The following ARFGEF2 variants were observed in gnomAD, a reference collection of about 807,000 sequenced individuals.
The protein encoded by ARFGEF2 is brefeldin A-inhibited guanine nucleotide-exchange protein 2.
In ARFGEF2, 74 loss-of-function variants were observed where a neutral mutation model predicts 219.9. That is an observed-to-expected ratio of 0.34 (90% CI 0.28 to 0.41). ARFGEF2 has a LOEUF of 0.41. ARFGEF2 is among the 10% of genes least tolerant of loss of function. ARFGEF2 has a pLI of 1.00. For missense variants in ARFGEF2, 1,743 were observed against 2,218.3 expected (o/e 0.79, Z 4.30); for synonymous variants, 733 against 799.2 (o/e 0.92, Z 1.40).
rs763202396 is a variant in ARFGEF2, at chr20:48,994,471, G to A, written c.2994G>A (p.Gln998=). The change falls in exon 22 of 39, where the codon CAG becomes CAA. Residue 998 remains glutamine, a synonymous_variant. Transcript: ENST00000371917. The part of the protein sequence containing the change: ...SWHEILKCIS[Q]LELAQLIGTG... ...CTTAGATCTTGAAATGCATCAGCCA[G>A]CTGGAGCTCGCTCAGCTGATAGGAA... The A allele has an allele frequency of 6.2e-7, 1 of 1,614,062 alleles. No individual in the cohort carries two copies. The highest frequency in any genetic ancestry group is 8.5e-7 in the Non-Finnish European group (1 of 1,180,020).
chr20:49,029,358 TA>T (rs902838760), intron 37 of ARFGEF2, among the ~76,000 whole-genome samples: 71 of 152,316 alleles, frequency 4.7e-4, no homozygotes, highest in African/African-American at 1.7e-3. Flanking sequence ...TTCTGGAAAG[TA>T]GGTGAGACTA....
At chr20:48,999,336 T>A in intron 25 of ARFGEF2, 2 of 386,146 alleles carry the variant, frequency 5.2e-6, no homozygotes, top group Non-Finnish European at 1.0e-5. Context: ...AGACTGAACT[T>A]CTTCCTCGTT....
At chr20:49,028,713 A>G (rs2091617290) in intron 37 of ARFGEF2, 45 bp downstream of exon 37, 1 of 1,585,558 alleles carries the variant, frequency 6.3e-7, no homozygotes, top group Non-Finnish European at 8.6e-7. Flanking sequence ...GCTATATACA[A>G]AATGCATCAC....
chr20:48,955,438 G>T (rs2091099831), intron 6 of ARFGEF2, among the ~76,000 whole-genome samples: 1 of 152,132 alleles, frequency 6.6e-6, no homozygotes, highest in Admixed American at 6.5e-5. Flanking sequence ...CTGTTCACTT[G>T]TTCCTGCACT....
chr20:48,990,903 G>A (rs1372000155), intron 20 of ARFGEF2, 137 bp from the exon 21 acceptor site: 1 of 938,868 alleles, frequency 1.1e-6, no homozygotes, highest in East Asian at 2.6e-5. Flanking sequence ...TGGAATAACT[G>A]TTGTGCTAAT....
chr20:48,976,112 C>G lies in ARFGEF2; in HGVS notation c.1871C>G (p.Ser624Trp). ...SVTSMESTVS[S>W]GTQTTVQDDP... ...ACGTCCATGGAGTCCACAGTGTCCTCGGGGACCCAGACAACTGTTCAGGAT... is the reference window on the plus strand; with the variant it reads ...ACGTCCATGGAGTCCACAGTGTCCTGGGGGACCCAGACAACTGTTCAGGAT... Residue 624 changes from serine to tryptophan, a missense_variant, in exon 14 of 39, where the codon TCG becomes TGG. This residue lies in a region of ARFGEF2 where 666 missense variants were observed against 955.4 expected (regional missense o/e 0.70). Transcript: ENST00000371917. 1.2e-6 allele frequency: 2 copies of G among 1,613,712 alleles called. No individual in the cohort carries two copies. The highest frequency in any genetic ancestry group is 1.7e-6 in the Non-Finnish European group (2 of 1,180,016).
chr20:48,933,021 T>G (rs1568688253), intron 1 of ARFGEF2, among the ~76,000 whole-genome samples: 1 of 152,158 alleles, frequency 6.6e-6, no homozygotes, highest in East Asian at 1.9e-4. Flanking sequence ...GGACTTGCCT[T>G]GGGAGTGGAA....
intron 14 of ARFGEF2, among the ~76,000 whole-genome samples, chr20:48,981,205 GT>G (rs1205510170): frequency 6.6e-6 from 1 of 152,162 alleles, no homozygotes; most frequent in Non-Finnish European, 1.5e-5. Flanking sequence ...GCATTTGCTT[GT>G]CTGTAAAAGA....
chr20:48,971,221 C>T lies in ARFGEF2; in HGVS notation c.1292C>T (p.Ala431Val), dbSNP rs375799646. The T allele has an allele frequency of 3.3e-5, 54 of 1,614,048 alleles. No homozygotes were observed. The highest frequency in any genetic ancestry group is 4.5e-5 in the Non-Finnish European group (53 of 1,180,034). The change falls in exon 10 of 39, where the codon GCA becomes GTA. Residue 431 changes from alanine to valine, a missense_variant. This residue lies in a region of ARFGEF2 where 666 missense variants were observed against 955.4 expected (regional missense o/e 0.70). Coordinates refer to ENST00000371917, the MANE Select transcript of ARFGEF2 (RefSeq NM_006420.3). Reference protein sequence around the residue: ...VFRTHEMFINAIKQYLCVALS... With the variant: ...VFRTHEMFINVIKQYLCVALS... ...AGGACTCACGAGATGTTCATCAATG[C>T]AATCAAGCAATATCTCTGTGTGGCC...
Position 49,023,064 on chromosome 20 carries a change from T to G in ARFGEF2, c.4638T>G (p.Phe1546Leu), listed in dbSNP as rs1188051326. ...CATCTAACATAGATCAGAAACTGTT[T>G]GCCAGCCTCCTCATCAAGTGTGTGG... Reference protein sequence around the residue: ...KGRPYANQKLFASLLIKCVVQ... With the variant: ...KGRPYANQKLLASLLIKCVVQ... Residue 1546 changes from phenylalanine (F) to leucine (L), a missense_variant, in exon 35 of 39, where the codon TTT becomes TTG. Coordinates refer to ENST00000371917, the MANE Select transcript of ARFGEF2 (RefSeq NM_006420.3). The G allele has an allele frequency of 1.2e-6, 2 of 1,614,236 alleles. No individual in the cohort carries two copies. Among genetic ancestry groups the G allele is most frequent in the Non-Finnish European group, 1.7e-6 (2 of 1,180,036 alleles).
Position 49,033,399 on chromosome 20 carries a change from C to T in ARFGEF2, c.*200C>T. ...GTATTTCATTAAACTGTTGCATACCCAGTTAGCACAGTAGGTGGGGAGTCT... is the reference window on the plus strand; with the variant it reads ...GTATTTCATTAAACTGTTGCATACCTAGTTAGCACAGTAGGTGGGGAGTCT... On this transcript the variant is annotated 3_prime_UTR_variant, in exon 39 of 39. Coordinates refer to ENST00000371917, the MANE Select transcript of ARFGEF2 (RefSeq NM_006420.3). 1.7e-6 allele frequency: 1 copy of T among 587,372 alleles called. No homozygotes were observed. Among genetic ancestry groups the T allele is most frequent in the Non-Finnish European group, 3.0e-6 (1 of 331,344 alleles). The allele number at this position is 587,372 out of a possible 1,614,324, so 36.4% of individuals were successfully genotyped here.
intron 22 of ARFGEF2, 90 bp from the exon 23 acceptor site, chr20:48,995,693 C>T: frequency 1.8e-6 from 2 of 1,084,086 alleles, no homozygotes; most frequent in South Asian, 1.3e-5. Context: ...ATTTATGTCC[C>T]CTGTCCCTGC....
At chr20:49,026,073 G>A (rs530186273) in intron 36 of ARFGEF2, among the ~76,000 whole-genome samples, 112 of 152,050 alleles carry the variant, frequency 7.4e-4, no homozygotes, top group Non-Finnish European at 1.4e-3. Context: ...GGTGGCTCAC[G>A]CCTGTAATCC....
chr20:49,029,424 T>C (rs752550281), intron 37 of ARFGEF2, among the ~76,000 whole-genome samples: 12 of 152,204 alleles, frequency 7.9e-5, no homozygotes, highest in South Asian at 2.1e-4. Flanking sequence ...TCCACTGTTA[T>C]GGAATCTGCT....
chr20:48,956,616 C>T (rs2123368105), intron 6 of ARFGEF2, among the ~76,000 whole-genome samples: 1 of 152,264 alleles, frequency 6.6e-6, no homozygotes, highest in East Asian at 1.9e-4. Flanking sequence ...CCATCTTGCC[C>T]AGGCTGTAGT....
intron 23 of ARFGEF2, among the ~76,000 whole-genome samples, chr20:48,996,363 G>A (rs1202152869): frequency 6.6e-6 from 1 of 151,630 alleles, no homozygotes; most frequent in Admixed American, 6.6e-5. Context: ...GCTGAGGCAG[G>A]AGAATGGCGT....
chr20:48,998,649 T>C, intron 25 of ARFGEF2, 144 bp downstream of exon 25: 1 of 774,654 alleles, frequency 1.3e-6, no homozygotes, highest in Non-Finnish European at 2.1e-6. Flanking sequence ...GACAGCTTGA[T>C]AGGAGTAATA....
At chr20:48,969,850 GA>G (rs1344409366) in intron 9 of ARFGEF2, among the ~76,000 whole-genome samples, 1 of 152,188 alleles carries the variant, frequency 6.6e-6, no homozygotes, top group African/African-American at 2.4e-5. Flanking sequence ...AGCCTCATCT[GA>G]AAAATGGGAA....
In ARFGEF2 at chr20:49,034,655, T is replaced by C. The variant is rs2091655985; in HGVS notation, c.*1456T>C. The C allele has an allele frequency of 6.6e-6, 1 of 152,250 alleles. No individual in the cohort carries two copies. The highest frequency in any genetic ancestry group is 2.1e-4 in the South Asian group (1 of 4,830). 9.4% of individuals were successfully genotyped at this position (152,250 alleles called of 1,614,324 possible). ...AGTCCTGTAAATTGGGTTGTATTGA[T>C]GTCAACTCTGGTGCCTTAGAAGTTA... On this transcript the variant is annotated 3_prime_UTR_variant, in exon 39 of 39. Coordinates refer to ENST00000371917, the MANE Select transcript of ARFGEF2 (RefSeq NM_006420.3).
Sources: gnomAD v4.1 joint callset for allele counts (sites outside exome capture counted in the v4.1 genomes callset) on GRCh38, gnomAD v4.1.1 for gene constraint, gnomAD v4.1.1 regional missense constraint, MANE v1.5 for transcripts, NCBI Gene and HGNC (gene_info 2026-07-23, HGNC 2026-07-21) for gene names.